The following PCDH7 variants were observed in gnomAD, a reference collection of about 807,000 sequenced individuals.
PCDH7 encodes protocadherin-7.
A neutral mutation model predicts 58.9 loss-of-function variants in PCDH7; 17 were observed. The observed-to-expected ratio is 0.29, with a 90% confidence interval of 0.20 to 0.43. The LOEUF is 0.43. PCDH7 is among the 20% of genes least tolerant of loss of function. The pLI, the probability that PCDH7 is intolerant of heterozygous loss-of-function variation, is 1.00. For missense variants in PCDH7, 1,274 were observed against 1,441.0 expected (o/e 0.88, Z 1.88); for synonymous variants, 664 against 616.4 (o/e 1.08, Z -1.14).
chr4:30,900,675 G>T (rs1306390044), intron 1 of PCDH7, among the ~76,000 whole-genome samples: 3 of 152,104 alleles, frequency 2.0e-5, no homozygotes, highest in Non-Finnish European at 4.4e-5. Flanking sequence ...AGAATGACTT[G>T]AGTAAAATAT....
chr4:31,035,070 G>A (rs533735238), intron 3 of PCDH7, among the ~76,000 whole-genome samples: 1 of 152,128 alleles, frequency 6.6e-6, no homozygotes, highest in East Asian at 1.9e-4. Flanking sequence ...AAGAAAATTA[G>A]AATTCAGGTC....
chr4:31,046,140 A>G (rs1756264239), intron 3 of PCDH7, among the ~76,000 whole-genome samples: 1 of 151,948 alleles, frequency 6.6e-6, no homozygotes, highest in Non-Finnish European at 1.5e-5. Flanking sequence ...TATCAGTAAC[A>G]TTTTGTAGAT....
chr4:30,930,953 C>CACAA (rs1397756416), intron 2 of PCDH7, among the ~76,000 whole-genome samples: 2 of 151,810 alleles, frequency 1.3e-5, no homozygotes, highest in Admixed American at 1.3e-4. Context: ...AAAAACAGAA[C>CACAA]ACAAACAAAC....
chr4:30,723,757 C>A lies in PCDH7; in HGVS notation c.2335C>A (p.Leu779Met), dbSNP rs1486007326. 6.2e-7 allele frequency: 1 copy of A among 1,614,122 alleles called. No homozygotes were observed. Among genetic ancestry groups the A allele is most frequent in the African/African-American group, 1.3e-5 (1 of 75,034 alleles). The change falls in exon 1 of 2, where the codon CTG becomes ATG. Residue 779 changes from leucine to methionine, a missense_variant. Transcript: ENST00000361762. This position sits in a 1 kb window ranked among gnomAD's most constrained non-coding sequence, Gnocchi z 4.6. ...CAGTGATGATGGCATCAATGCAGAC[C>A]TGAACTACAGCATTGTGGGAGGAAA... is the stretch of plus-strand genomic sequence containing the variant.
In PCDH7 at chr4:31,102,641, C is replaced by T. The variant is rs1715043695; in HGVS notation, c.*8-39832C>T. On this transcript the variant is annotated intron_variant, in intron 3 of 3. Coordinates refer to the PCDH7 transcript ENST00000509759. ...TGAGCCAAGATCATGCCACTGCATT[C>T]CAGCCTGGGTGACAAGAGCAAAACT... Among the ~76,000 whole-genome samples the T allele has an allele frequency of 2.6e-5, 4 of 151,154 alleles. No homozygotes were observed. The South Asian group carries it at 8.4e-4, about 32-fold the overall frequency.
intron 1 of PCDH7, among the ~76,000 whole-genome samples, chr4:30,759,263 T>A (rs2109266930): frequency 6.6e-6 from 1 of 152,182 alleles, no homozygotes; most frequent in Admixed American, 6.5e-5. Flanking sequence ...GCTTTTTAAG[T>A]GGTCATGTCA....
intron 1 of PCDH7, among the ~76,000 whole-genome samples, chr4:30,773,651 G>T (rs913697877): frequency 6.6e-6 from 1 of 151,996 alleles, no homozygotes; most frequent in Non-Finnish European, 1.5e-5. Context: ...CTTTCCTCTT[G>T]CCCACCATCA....
chr4:30,744,131 T>C (rs1351387625), intron 1 of PCDH7, among the ~76,000 whole-genome samples: 1 of 152,140 alleles, frequency 6.6e-6, no homozygotes, highest in African/African-American at 2.4e-5. Context: ...CGCCAAGCTG[T>C]TTTCTCACTG....
chr4:30,944,196 G>A (rs192210446), intron 2 of PCDH7, among the ~76,000 whole-genome samples: 48 of 152,194 alleles, frequency 3.2e-4, no homozygotes, highest in Non-Finnish European at 5.0e-4. Context: ...CAGTGCAACA[G>A]ATTGAATTCA....
intron 1 of PCDH7, among the ~76,000 whole-genome samples, chr4:30,915,121 T>G (rs1015759334): frequency 5.9e-5 from 9 of 152,208 alleles, no homozygotes; most frequent in African/African-American, 1.9e-4. Context: ...CTCCAAATGT[T>G]TATTTTAAAG....
intron 3 of PCDH7, among the ~76,000 whole-genome samples, chr4:31,006,731 A>G (rs185028578): frequency 6.6e-6 from 1 of 152,132 alleles, no homozygotes; most frequent in Non-Finnish European, 1.5e-5. Context: ...TGTCTCTACT[A>G]AAAATACAAA....
intron 1 of PCDH7, among the ~76,000 whole-genome samples, chr4:30,750,495 ACT>A (rs1198245735): frequency 1.3e-5 from 2 of 152,092 alleles, no homozygotes; most frequent in Non-Finnish European, 2.9e-5. Context: ...CTAACATTCA[ACT>A]CTGTGAATCT....
At chr4:30,841,533 A>T (rs955023416) in intron 1 of PCDH7, among the ~76,000 whole-genome samples, 3 of 152,164 alleles carry the variant, frequency 2.0e-5, no homozygotes, top group African/African-American at 7.2e-5. Context: ...CATTCTAAGA[A>T]ACTTGTTTTT....
intron 3 of PCDH7, among the ~76,000 whole-genome samples, chr4:31,071,323 A>G (rs1403348564): frequency 1.3e-5 from 2 of 152,040 alleles, no homozygotes; most frequent in South Asian, 2.1e-4. Context: ...TACTGTGTAC[A>G]TGTGTGTCTG....
chr4:30,971,688 T>C (rs1221469175), intron 3 of PCDH7, among the ~76,000 whole-genome samples: 2 of 152,184 alleles, frequency 1.3e-5, no homozygotes, highest in Non-Finnish European at 2.9e-5. Flanking sequence ...TTGTCTACTT[T>C]TGAGGATGGA....
At chr4:31,016,794 T>TGTGTGCGTGTGTGCATGTGTGTGTGCTCG (rs1753640196) in intron 3 of PCDH7, among the ~76,000 whole-genome samples, 1 of 151,664 alleles carries the variant, frequency 6.6e-6, no homozygotes. Context: ...TGTGTGTGTG[T>TGTGTGCGTGTGTGCATGTGTGTGTGCTCG]GTGTGCGTGT....
At chr4:30,747,150 A>C (rs1717886144) in intron 1 of PCDH7, among the ~76,000 whole-genome samples, 1 of 152,198 alleles carries the variant, frequency 6.6e-6, no homozygotes. Flanking sequence ...TGTTGTTAAA[A>C]TGTTTTAGTA....
chr4:31,065,548 C>T (rs73218814), intron 3 of PCDH7, among the ~76,000 whole-genome samples: 10,488 of 151,894 alleles, frequency 0.069, 515 homozygotes, highest in Middle Eastern at 0.12. Context: ...ATGTAACATG[C>T]AGTCTGTTGG....
chr4:30,926,701 G>A (rs962126445), intron 2 of PCDH7, among the ~76,000 whole-genome samples: 3 of 152,298 alleles, frequency 2.0e-5, no homozygotes, highest in Middle Eastern at 3.4e-3. Context: ...TGAGGGGAAG[G>A]AAGTCTTCTA....
Sources: allele counts gnomAD v4.1 joint callset (sites outside exome capture counted in the v4.1 genomes callset), GRCh38; gene constraint gnomAD v4.1.1; non-coding constraint Gnocchi (gnomAD v3.1); transcripts MANE v1.5; gene names NCBI Gene and HGNC (gene_info 2026-07-23, HGNC 2026-07-21).